Variants in DOCK10 observed in about 807,000 individuals in gnomAD.
The protein encoded by DOCK10 is dedicator of cytokinesis protein 10.
A neutral mutation model predicts 280.1 loss-of-function variants in DOCK10; 145 were observed. The ratio of observed to expected loss-of-function variants is 0.52; its 90% CI spans 0.45 to 0.59. The LOEUF is 0.59. Among genes scored for constraint, DOCK10 ranks in the 20% least tolerant of loss-of-function variants. The probability of loss-of-function intolerance (pLI) is 0.00; values close to 1 mark genes in which losing one functional copy is unlikely to be tolerated. For synonymous variants in DOCK10, 915 were observed against 942.2 expected, an observed-to-expected ratio of 0.97 and a Z score of 0.53; for missense variants, 2,368 against 2,651.7, an observed-to-expected ratio of 0.89 and a Z score of 2.35.
chr2:224,926,186 T>C (rs1702034931), intron 2 of DOCK10, among the ~76,000 whole-genome samples: 1 of 152,212 alleles, frequency 6.6e-6, no homozygotes, highest in Non-Finnish European at 1.5e-5. Flanking sequence ...AGAACCCACA[T>C]ACAAGGAGGA....
intron 1 of DOCK10, among the ~76,000 whole-genome samples, chr2:224,960,160 G>A (rs1193119553): frequency 2.6e-5 from 4 of 152,134 alleles, no homozygotes; most frequent in Non-Finnish European, 5.9e-5. Flanking sequence ...CTTGAATGCT[G>A]CACATTTATT....
chr2:224,917,615 T>G (rs1701411858), intron 2 of DOCK10, among the ~76,000 whole-genome samples: 1 of 152,220 alleles, frequency 6.6e-6, no homozygotes, highest in Admixed American at 6.5e-5. Flanking sequence ...AAATAGGTTG[T>G]GTTTTTGGTG....
Position 224,768,175 on chromosome 2 carries a change from C to T in DOCK10, c.6444+2036G>A, listed in dbSNP as rs35919012. Among the ~76,000 whole-genome samples the T allele has an allele frequency of 6.5e-3, 989 of 152,218 alleles. 8 individuals are homozygous for T. Among genetic ancestry groups the T allele is most frequent in the Non-Finnish European group, 0.01 (704 of 68,002 alleles). On this transcript the variant is annotated intron_variant, in intron 55 of 55. Coordinates refer to ENST00000258390, the MANE Select transcript of DOCK10 (RefSeq NM_014689.3). ...CAGGTGATCCACCAGCCTCAGCCTC[C>T]CAAATTGTTGGGATTACAGCATGAG...
intron 45 of DOCK10, 122 bp downstream of exon 45, chr2:224,794,757 G>T: frequency 1.1e-6 from 1 of 877,036 alleles, no homozygotes; most frequent in Non-Finnish European, 1.8e-6. Flanking sequence ...ATATAACTGA[G>T]TCATTTCTAG....
chr2:224,857,546 A>T (rs1697226882), intron 14 of DOCK10, among the ~76,000 whole-genome samples: 1 of 152,212 alleles, frequency 6.6e-6, no homozygotes, highest in Non-Finnish European at 1.5e-5. Context: ...GAAAGAGAAC[A>T]CTATGAATCT....
rs561282433 is a variant in DOCK10 at position 224,912,681 on chromosome 2, C to T, written c.333+4014G>A. Among the ~76,000 whole-genome samples, 21 of 152,188 alleles carry T rather than the reference C, an allele frequency of 1.4e-4. No individual in the cohort carries two copies. In the South Asian group the frequency reaches 1.7e-3, roughly 12 times the overall value. ...ATATATGTATAGGTTTTATATCTTTCGTGATATCATACTACAATTCTGTGA... is the reference window on the plus strand; with the variant it reads ...ATATATGTATAGGTTTTATATCTTTTGTGATATCATACTACAATTCTGTGA... On this transcript the variant is annotated intron_variant, in intron 3 of 55. Coordinates refer to ENST00000258390, the MANE Select transcript of DOCK10 (RefSeq NM_014689.3).
At chr2:224,961,482 TTC>T (rs1332895183) in intron 1 of DOCK10, among the ~76,000 whole-genome samples, 4 of 145,448 alleles carry the variant, frequency 2.8e-5, no homozygotes, top group Admixed American at 7.1e-5. Context: ...CTTTCTTTCT[TTC>T]TCTTTCTTTC....
rs531786592 is a variant in DOCK10, at chr2:224,986,846, T to C, written c.124-55178A>G. ...CAGCCCTAGTACCCTAGCAGGCCAA[T>C]ACAAGGACCTTGCCTGGGAAAACCA... On this transcript the variant is annotated intron_variant, in intron 1 of 55. Transcript: ENST00000258390. Among the ~76,000 whole-genome samples, 44 of 152,246 alleles carry C rather than the reference T, an allele frequency of 2.9e-4. 2 individuals carry two copies. The Middle Eastern group carries it at 0.024, about 82-fold the overall frequency.
intron 1 of DOCK10, among the ~76,000 whole-genome samples, chr2:225,017,487 T>A (rs1485689536): frequency 6.7e-6 from 1 of 149,548 alleles, no homozygotes; most frequent in Non-Finnish European, 1.5e-5. Context: ...CAAGAGAGAC[T>A]GACTGATTGA....
At chr2:224,795,841 C>T (rs1427554588) in intron 44 of DOCK10, among the ~76,000 whole-genome samples, 1 of 152,044 alleles carries the variant, frequency 6.6e-6, no homozygotes, top group Admixed American at 6.6e-5. Flanking sequence ...GAATTTTCCC[C>T]CAAATAGAGT....
In DOCK10 at chr2:224,888,265, CTT is replaced by C. The variant is rs530178934; in HGVS notation, c.417-1736_417-1735del. ...TGTGTGTGTGTGTGTCTAGCATTCT[CTT>C]ATCTATTCCTCTGTCAATGGACACT... On this transcript the variant is annotated intron_variant, in intron 4 of 55. Transcript: ENST00000258390. Among the ~76,000 whole-genome samples, 605 of 149,628 alleles carry C rather than the reference CTT, an allele frequency of 4.0e-3. 2 individuals carry two copies. Among genetic ancestry groups the C allele is most frequent in the Middle Eastern group, 0.017 (5 of 286 alleles).
At chr2:224,997,324 C>T (rs750645210) in intron 1 of DOCK10, among the ~76,000 whole-genome samples, 3 of 151,884 alleles carry the variant, frequency 2.0e-5, no homozygotes, top group South Asian at 4.2e-4. Flanking sequence ...CTCTGCCTCC[C>T]GGGTTCATGT....
At chr2:224,773,598 T>C (rs1485160247) in intron 52 of DOCK10, among the ~76,000 whole-genome samples, 1 of 152,074 alleles carries the variant, frequency 6.6e-6, no homozygotes, top group Non-Finnish European at 1.5e-5. Flanking sequence ...TTCTCAGGGC[T>C]GTTTTAGGCC....
chr2:224,954,569 C>G (rs961822586), intron 1 of DOCK10, among the ~76,000 whole-genome samples: 3 of 152,114 alleles, frequency 2.0e-5, no homozygotes, highest in African/African-American at 7.2e-5. Context: ...CTCTAAGGGA[C>G]AAACATTTAT....
intron 7 of DOCK10, among the ~76,000 whole-genome samples, chr2:224,879,570 C>T (rs966481115): frequency 2.0e-5 from 3 of 152,086 alleles, no homozygotes; most frequent in Admixed American, 1.3e-4. Flanking sequence ...CCAGCCTGGA[C>T]AACATGGTGA....
chr2:224,791,279 G>A (rs1404180121), intron 47 of DOCK10, among the ~76,000 whole-genome samples: 1 of 152,150 alleles, frequency 6.6e-6, no homozygotes, highest in Non-Finnish European at 1.5e-5. Flanking sequence ...AGGCAATGAT[G>A]TGTTTGATGA....
At chr2:224,784,275 T>C (rs1477152959) in intron 50 of DOCK10, among the ~76,000 whole-genome samples, 1 of 152,090 alleles carries the variant, frequency 6.6e-6, no homozygotes, top group East Asian at 1.9e-4. Flanking sequence ...AAAAACACAG[T>C]TTTTTCAATA....
chr2:224,800,038 A>G (rs888731516), intron 41 of DOCK10, 113 bp downstream of exon 41: 4 of 589,462 alleles, frequency 6.8e-6, no homozygotes, highest in African/African-American at 3.8e-5. Flanking sequence ...GTTGATTTAT[A>G]TAAGGTTAAT....
chr2:224,997,190 G>GTCCC (rs558782396), intron 1 of DOCK10, among the ~76,000 whole-genome samples: 166 of 150,930 alleles, frequency 1.1e-3, no homozygotes, highest in African/African-American at 3.7e-3. Flanking sequence ...GTTGGGGTTT[G>GTCCC]TCCCTCCCTC....
Sources: allele counts gnomAD v4.1 joint callset (sites outside exome capture counted in the v4.1 genomes callset), GRCh38; gene constraint gnomAD v4.1.1; transcripts MANE v1.5; gene names NCBI Gene and HGNC (gene_info 2026-07-23, HGNC 2026-07-21).